The following SCN9A variants were observed in gnomAD, a reference collection of about 807,000 sequenced individuals.
The protein encoded by SCN9A is sodium voltage-gated channel alpha subunit 9.
A neutral mutation model predicts 187.0 loss-of-function variants in SCN9A; 131 were observed. That is an observed-to-expected ratio of 0.70 (90% CI 0.61 to 0.81). SCN9A has a LOEUF of 0.81. Ranked by LOEUF, SCN9A falls within the 30% of genes least tolerant of loss-of-function variation. SCN9A has a pLI of 0.00. For synonymous variants in SCN9A, 809 were observed against 808.6 expected (o/e 1.00, Z -0.01); for missense variants, 2,252 against 2,396.6 (o/e 0.94, Z 1.26).
At chr2:166,343,297 G>T (rs1319251995) in intron 1 of SCN9A, among the ~76,000 whole-genome samples, 1 of 151,804 alleles carries the variant, frequency 6.6e-6, no homozygotes, top group Non-Finnish European at 1.5e-5. Context: ...GCTTTTAGGA[G>T]ACTTTACATA....
chr2:166,210,599 G>A (rs4358132), intron 24 of SCN9A, among the ~76,000 whole-genome samples: 131,574 of 147,786 alleles, frequency 0.89, 58,692 homozygotes, highest in East Asian at 0.95. Flanking sequence ...ATGAGTGAAG[G>A]TTCATGGGAC....
At chr2:166,298,096 A>T (rs1247231633) in intron 7 of SCN9A, among the ~76,000 whole-genome samples, 2 of 152,180 alleles carry the variant, frequency 1.3e-5, no homozygotes. Context: ...ACTCTGAGAA[A>T]ACTAGTGCAG....
chr2:166,370,556 AT>A lies in SCN9A; in HGVS notation c.-51+5140del, dbSNP rs367667669. ...AGACTCCGTCTCAAAAAAATAAAAA[AT>A]AAAAAAAAAAAAGAATCTTTAAAAA... On this transcript the variant is annotated intron_variant, in intron 1 of 26. Transcript: ENST00000642356. 1.1e-3 allele frequency among the ~76,000 whole-genome samples: 172 copies of A among 150,552 alleles called. 3 individuals carry two copies. The highest frequency in any genetic ancestry group is 2.2e-3 in the Non-Finnish European group (146 of 67,340).
Position 166,276,968 on chromosome 2 carries a change from C to T in SCN9A, c.2874+15G>A, listed in dbSNP as rs774004406. Reference sequence around the variant, plus strand: ...CCACAGAGAAATTAAAATGCATGAACATCTGGTTACATACCACCAGGTTTC... The same window carrying T: ...CCACAGAGAAATTAAAATGCATGAATATCTGGTTACATACCACCAGGTTTC... On this transcript the variant is annotated intron_variant, in intron 16 of 26. Coordinates refer to ENST00000642356, the MANE Select transcript of SCN9A (RefSeq NM_001365536.1). 16 of 1,581,974 alleles carry T rather than the reference C, an allele frequency of 1.0e-5. No individual in the cohort carries two copies. Among genetic ancestry groups the T allele is most frequent in the Non-Finnish European group, 1.4e-5 (16 of 1,164,888 alleles).
chr2:166,325,713 CTG>C (rs1331761393), intron 1 of SCN9A, among the ~76,000 whole-genome samples: 1 of 152,058 alleles, frequency 6.6e-6, no homozygotes, highest in African/African-American at 2.4e-5. Flanking sequence ...CTTTTGATTT[CTG>C]TGTTACTTTA....
At chr2:166,374,618 T>C (rs1213494005) in intron 1 of SCN9A, among the ~76,000 whole-genome samples, 1 of 152,076 alleles carries the variant, frequency 6.6e-6, no homozygotes, top group African/African-American at 2.4e-5. Flanking sequence ...TAGGTTTATA[T>C]TGATGTTAAA....
chr2:166,341,591 A>G (rs928042127), intron 1 of SCN9A, among the ~76,000 whole-genome samples: 1 of 152,244 alleles, frequency 6.6e-6, no homozygotes, highest in African/African-American at 2.4e-5. Flanking sequence ...CTCCACAAAG[A>G]GACACTGCTA....
intron 9 of SCN9A, among the ~76,000 whole-genome samples, chr2:166,292,109 G>GA (rs1698100471): frequency 6.6e-6 from 1 of 152,110 alleles, no homozygotes; most frequent in African/African-American, 2.4e-5. Flanking sequence ...CACAGCAAAA[G>GA]AAACTAACAT....
In SCN9A at chr2:166,196,690, A is replaced by AAAT. The variant is rs1239293231; in HGVS notation, c.*1979_*1981dup. ...ATATATTTTGTATAGGTCCCTACTT[A>AAAT]AATTATCAAAACCTATTTCCAACAG... On this transcript the variant is annotated 3_prime_UTR_variant, in exon 27 of 27. Coordinates refer to ENST00000642356, the MANE Select transcript of SCN9A (RefSeq NM_001365536.1). 1 of 152,142 alleles carries AAAT rather than the reference A, an allele frequency of 6.6e-6. No individual in the cohort carries two copies. The highest frequency in any genetic ancestry group is 1.5e-5 in the Non-Finnish European group (1 of 67,986). The allele number at this position is 152,142 out of a possible 1,614,324, so 9.4% of individuals were successfully genotyped here.
At chr2:166,209,900 G>A (rs555855819) in intron 24 of SCN9A, among the ~76,000 whole-genome samples, 39 of 152,248 alleles carry the variant, frequency 2.6e-4, no homozygotes, top group South Asian at 2.1e-4. Context: ...TCCGTGTGGC[G>A]ATTCCTCAAG....
At chr2:166,213,708 C>T (rs1694197530) in intron 24 of SCN9A, among the ~76,000 whole-genome samples, 1 of 152,120 alleles carries the variant, frequency 6.6e-6, no homozygotes, top group Non-Finnish European at 1.5e-5. Flanking sequence ...AAGAAAATTA[C>T]AGCTTTTGAA....
Position 166,348,633 on chromosome 2 carries a change from G to A in SCN9A, c.-51+27064C>T, listed in dbSNP as rs993900658. Among the ~76,000 whole-genome samples, 6 of 152,134 alleles carry A rather than the reference G, an allele frequency of 3.9e-5. No individual in the cohort carries two copies. The East Asian group carries it at 1.2e-3, about 29-fold the overall frequency. On this transcript the variant is annotated intron_variant, in intron 1 of 26. Coordinates refer to ENST00000642356, the MANE Select transcript of SCN9A (RefSeq NM_001365536.1). ...TCTCTCTTCTGTTAAAAAATCATCA[G>A]TGGCTTCTCAATAGCTTATGGGATT...
chr2:166,311,514 G>C lies in SCN9A; in HGVS notation c.243C>G (p.Tyr81Ter). 6.2e-7 allele frequency: 1 copy of C among 1,607,054 alleles called. No homozygotes were observed. The highest frequency in any genetic ancestry group is 8.5e-7 in the Non-Finnish European group (1 of 1,176,720). Residue 81 changes from tyrosine (Y) to a stop codon, truncating the protein, a stop_gained, in exon 2 of 27, where the codon TAC becomes TAG. Coordinates refer to ENST00000642356, the MANE Select transcript of SCN9A (RefSeq NM_001365536.1). LOFTEE classifies it high-confidence loss of function. ...ATAAACTCACCTTTTTGTCTGCATA[G>C]TAGGGGTCCAAGTCCTCCAGGGGCT... ...VSEPLEDLDPYYADKKTFIVL... is the reference protein window; with the variant it reads ...VSEPLEDLDP
chr2:166,311,282 A>G lies in SCN9A; in HGVS notation c.258+217T>C, dbSNP rs1477879929. ...AAATTAAAAGTAGTATGCCAATGCCAGAGCCAATTTCAATGAAAAATTTGA... is the reference window on the plus strand; with the variant it reads ...AAATTAAAAGTAGTATGCCAATGCCGGAGCCAATTTCAATGAAAAATTTGA... On this transcript the variant is annotated intron_variant, in intron 2 of 26. Coordinates refer to ENST00000642356, the MANE Select transcript of SCN9A (RefSeq NM_001365536.1). 2.2e-5 allele frequency among the ~76,000 whole-genome samples: 3 copies of G among 137,582 alleles called. 1 individual carries two copies. The highest frequency in any genetic ancestry group is 5.4e-5 in the African/African-American group (2 of 37,260). 90.3% of individuals were successfully genotyped at this position (137,582 alleles called of 152,430 possible). A position where few individuals can be genotyped will look rare whatever the true frequency, so the allele number is the denominator to read the frequency against.
chr2:166,238,671 C>G (rs1223566510), intron 19 of SCN9A, among the ~76,000 whole-genome samples: 1 of 152,130 alleles, frequency 6.6e-6, no homozygotes, highest in Non-Finnish European at 1.5e-5. Context: ...TTTTTCCCCA[C>G]CAGTAGGATG....
At chr2:166,347,702 T>C (rs1374278309) in intron 1 of SCN9A, among the ~76,000 whole-genome samples, 3 of 152,204 alleles carry the variant, frequency 2.0e-5, no homozygotes, top group Non-Finnish European at 4.4e-5. Flanking sequence ...AGACTTTATA[T>C]GAAGTAATCA....
chr2:166,331,220 T>C (rs1165522921), intron 1 of SCN9A, among the ~76,000 whole-genome samples: 1 of 152,168 alleles, frequency 6.6e-6, no homozygotes, highest in African/African-American at 2.4e-5. Flanking sequence ...CCCTTTACTT[T>C]GTATCAATTT....
intron 26 of SCN9A, among the ~76,000 whole-genome samples, chr2:166,200,527 C>T (rs1019575006): frequency 6.6e-6 from 1 of 152,134 alleles, no homozygotes; most frequent in Non-Finnish European, 1.5e-5. Flanking sequence ...GAAATGTCAA[C>T]AATAACTATT....
At chr2:166,226,301 A>G (rs903292158) in intron 24 of SCN9A, among the ~76,000 whole-genome samples, 2 of 152,172 alleles carry the variant, frequency 1.3e-5, no homozygotes, top group East Asian at 1.9e-4. Context: ...TGGAAAAAAC[A>G]GAATAGTTGA....
Sources: allele counts gnomAD v4.1 joint callset (sites outside exome capture counted in the v4.1 genomes callset), GRCh38; gene constraint gnomAD v4.1.1; transcripts MANE v1.5; gene names NCBI Gene and HGNC (gene_info 2026-07-23, HGNC 2026-07-21).